The following USP35 variants were observed in gnomAD, a reference collection of about 807,000 sequenced individuals.
The protein encoded by USP35 is ubiquitin specific peptidase 35, also known as ubiquitin carboxyl-terminal hydrolase 35.
In USP35, 69 loss-of-function variants were observed where a neutral mutation model predicts 83.8. That is an observed-to-expected ratio of 0.82 (90% CI 0.68 to 1.01). The LOEUF (loss-of-function observed/expected upper bound fraction) is 1.01, where lower values mean the gene tolerates loss of function less well. USP35 is among the 50% of genes least tolerant of loss of function. USP35 has a pLI of 0.00. For synonymous variants in USP35, 714 were observed against 589.5 expected, an observed-to-expected ratio of 1.21 and a Z score of -3.06; for missense variants, 1,503 against 1,362.5, an observed-to-expected ratio of 1.10 and a Z score of -1.62.
At chr11:78,222,096 C>G in the USP35 span, 12 of 1,578,300 alleles carry the variant, frequency 7.6e-6, no homozygotes, top group Admixed American at 1.5e-4. Context: ...CCCACACATA[C>G]GCACTTACTT....
At chr11:78,202,029 T>G (rs1863374258) in intron 6 of USP35, among the ~76,000 whole-genome samples, 1 of 152,130 alleles carries the variant, frequency 6.6e-6, no homozygotes, top group Admixed American at 6.5e-5. Context: ...AGTACATAGC[T>G]AAGCTTGCAA....
downstream of USP35, chr11:78,220,191 A>AAGCTGGGT: frequency 1.1e-6 from 1 of 922,230 alleles, no homozygotes; most frequent in Non-Finnish European, 1.7e-6. Flanking sequence ...TGCATCATAA[A>AAGCTGGGT]AGCTGGGTAC....
rs779341020 is a variant in USP35 at position 78,196,266 on chromosome 11, G to T, written c.21G>T (p.Ala7=). Residue 7 remains alanine, a synonymous_variant, in exon 2 of 11, where the codon GCG becomes GCT. Transcript: ENST00000529308. This position sits in a 1 kb window ranked among gnomAD's most constrained non-coding sequence, Gnocchi z 4.8. ...GCGCCATGGACAAGATCTTGGAGGC[G>T]GTGGTGACGTCGTCATACCCGGTCA... MDKILE[A]VVTSSYPVSV... is the part of the protein sequence containing the mutation. 4.4e-6 allele frequency: 7 copies of T among 1,594,974 alleles called. No homozygotes were observed. The African/African-American group carries it at 9.4e-5, about 21-fold the overall frequency.
Position 78,210,463 on chromosome 11 carries a change from G to T in USP35, c.2608G>T (p.Gly870Cys). 1 of 1,614,216 alleles carries T rather than the reference G, an allele frequency of 6.2e-7. No individual in the cohort carries two copies. The highest frequency in any genetic ancestry group is 8.5e-7 in the Non-Finnish European group (1 of 1,180,038). Residue 870 changes from glycine to cysteine, a missense_variant, in exon 10 of 11, where the codon GGC becomes TGC. By Grantham distance (159) the Gly-to-Cys change is radical. Transcript: ENST00000529308. ...TCACTACTACTGCTATGCCCGTGAGGGCGCTGCCCGCCCTGCCGCTTCTCT... is the reference window on the plus strand; with the variant it reads ...TCACTACTACTGCTATGCCCGTGAGTGCGCTGCCCGCCCTGCCGCTTCTCT... Reference protein sequence around the residue: ...SGHYYCYAREGAARPAASLGT... With the variant: ...SGHYYCYARECAARPAASLGT...
At chr11:78,210,953 T>C (rs921771095) in intron 10 of USP35, among the ~76,000 whole-genome samples, 6 of 152,234 alleles carry the variant, frequency 3.9e-5, no homozygotes, top group Non-Finnish European at 1.5e-5. Flanking sequence ...CGCAGTTTAT[T>C]TTTTAAGTTC....
At chr11:78,229,276 G>A in the USP35 span, among the ~76,000 whole-genome samples, 1 of 151,432 alleles carries the variant, frequency 6.6e-6, no homozygotes, top group Non-Finnish European at 1.5e-5. Context: ...AAGGCTCAAA[G>A]ATGTAGAACA....
chr11:78,202,455 C>T (rs1863384922), intron 6 of USP35, among the ~76,000 whole-genome samples: 1 of 152,240 alleles, frequency 6.6e-6, no homozygotes. Context: ...GGCCCTTCCC[C>T]ACATTAAAAA....
chr11:78,206,030 G>A lies in USP35; in HGVS notation c.1386G>A (p.Ala462=), dbSNP rs764640942. 2.0e-5 allele frequency: 32 copies of A among 1,611,538 alleles called. No individual in the cohort carries two copies. Among genetic ancestry groups the A allele is most frequent in the Admixed American group, 1.0e-4 (6 of 59,926 alleles). ...VNSILQALFM[A]SDFRHCVLRL... The stretch of plus-strand genomic sequence containing the variant: ...GCATCCTTCAGGCCTTATTCATGGC[G>A]TCTGAGTAGGTGCTGCTTTGGAATT... The change falls in exon 7 of 11, where the codon GCG becomes GCA. Residue 462 remains alanine (A), a synonymous_variant. Coordinates refer to ENST00000529308, the MANE Select transcript of USP35 (RefSeq NM_020798.4).
chr11:78,227,645 AAAG>A, the USP35 span, among the ~76,000 whole-genome samples: 1 of 151,626 alleles, frequency 6.6e-6, no homozygotes, highest in Non-Finnish European at 1.5e-5. Flanking sequence ...AAAAAAAAAA[AAAG>A]AACTAGCTGG....
chr11:78,196,251 C>G lies in USP35; in HGVS notation c.6C>G (p.Asp2Glu), dbSNP rs766961316. ...TCCTCCGCAGCGCGGGCGCCATGGA[C>G]AAGATCTTGGAGGCGGTGGTGACGT... M[D>E]KILEAVVTSS... The change falls in exon 2 of 11, where the codon GAC (aspartate) becomes GAG (glutamate). Residue 2 changes from aspartate to glutamate, a missense_variant. Transcript: ENST00000529308. The surrounding 1 kb of genome is among the most constrained non-coding windows in gnomAD (Gnocchi z 4.8). The G allele has an allele frequency of 2.2e-5, 35 of 1,592,370 alleles. No homozygotes were observed. The highest frequency in any genetic ancestry group is 3.0e-5 in the Non-Finnish European group (35 of 1,176,306).
At chr11:78,192,286 C>T (rs1291031554) in intron 1 of USP35, among the ~76,000 whole-genome samples, 1 of 152,192 alleles carries the variant, frequency 6.6e-6, no homozygotes, top group Non-Finnish European at 1.5e-5. Flanking sequence ...TGAGTCAGAG[C>T]CAGCATGGAC....
At chr11:78,224,920 A>G in the USP35 span, among the ~76,000 whole-genome samples, 1 of 152,144 alleles carries the variant, frequency 6.6e-6, no homozygotes, top group Non-Finnish European at 1.5e-5. Flanking sequence ...CATTTCTTCC[A>G]GACTAGAATA....
the USP35 span, among the ~76,000 whole-genome samples, chr11:78,223,983 G>A: frequency 6.6e-6 from 1 of 152,164 alleles, no homozygotes; most frequent in Non-Finnish European, 1.5e-5. Flanking sequence ...TCAGGAGGCT[G>A]AGGCACGAGA....
At chr11:78,226,469 G>A in the USP35 span, 1 of 1,611,788 alleles carries the variant, frequency 6.2e-7, no homozygotes, top group Non-Finnish European at 8.5e-7. Context: ...ACTGACCTCG[G>A]TGAAGTCGGC....
chr11:78,223,718 A>G, the USP35 span: 1 of 1,506,040 alleles, frequency 6.6e-7, no homozygotes, highest in Non-Finnish European at 9.0e-7. Context: ...TGTTACTAGC[A>G]AGAAGAAACA....
chr11:78,220,510 C>G, the USP35 span: 1 of 1,419,010 alleles, frequency 7.0e-7, no homozygotes, highest in Non-Finnish European at 9.6e-7. Flanking sequence ...CCCAGAAAAA[C>G]ACCTCTGGGA....
rs745343047 is a variant in USP35, at chr11:78,208,841, G to A, written c.1486-16G>A. 18 of 1,613,876 alleles carry A rather than the reference G, an allele frequency of 1.1e-5. No individual in the cohort carries two copies. The highest frequency in any genetic ancestry group is 1.3e-5 in the African/African-American group (1 of 74,908). ...CCTCCTGCTCCTGACCATGCCTTTCGCCTGCCTTGTCCTAGCGGCCTGCCA... is the reference window on the plus strand; with the variant it reads ...CCTCCTGCTCCTGACCATGCCTTTCACCTGCCTTGTCCTAGCGGCCTGCCA... On this transcript the variant is annotated splice_polypyrimidine_tract_variant and intron_variant, in intron 8 of 10. Coordinates refer to ENST00000529308, the MANE Select transcript of USP35 (RefSeq NM_020798.4).
At position 78,198,721 on chromosome 11, in the gene USP35, A is replaced by G. The variant is rs750174024; in HGVS notation, c.806+653A>G. On this transcript the variant is annotated intron_variant, in intron 3 of 10. Transcript: ENST00000529308. ...GGGTAAGAGTGTGGGCTCTCGAGGT[A>G]AGTTGCTAGAGGTCAAATCCCGCCT... 2.8e-4 allele frequency: 278 copies of G among 984,588 alleles called. 2 individuals carry two copies. The highest frequency in any genetic ancestry group is 3.2e-4 in the Non-Finnish European group (265 of 829,372). The allele number at this position is 984,588 out of a possible 1,614,324, so 61.0% of individuals were successfully genotyped here. A position where few individuals can be genotyped will look rare whatever the true frequency, so the allele number is the denominator to read the frequency against.
At chr11:78,222,213 A>G in the USP35 span, 1 of 1,572,490 alleles carries the variant, frequency 6.4e-7, no homozygotes, top group South Asian at 1.1e-5. Context: ...AGGAAAAGAA[A>G]GTCTGGTAAT....
Sources: allele counts gnomAD v4.1 joint callset (sites outside exome capture counted in the v4.1 genomes callset), GRCh38; gene constraint gnomAD v4.1.1; non-coding constraint Gnocchi (gnomAD v3.1); transcripts MANE v1.5; gene names NCBI Gene and HGNC (gene_info 2026-07-23, HGNC 2026-07-21).